MCF2L: variants seen among roughly 807,000 people sequenced by gnomAD.
The protein encoded by MCF2L is guanine nucleotide exchange factor DBS.
In MCF2L, 97 loss-of-function variants were observed where a neutral mutation model predicts 153.4. That is an observed-to-expected ratio of 0.63 (90% confidence interval 0.54 to 0.75). The LOEUF (loss-of-function observed/expected upper bound fraction) is 0.75. Ranked by LOEUF, MCF2L falls within the 30% of genes least tolerant of loss-of-function variation. The pLI, the probability that MCF2L is intolerant of heterozygous loss-of-function variation, is 0.00. For synonymous variants in MCF2L, 659 were observed against 632.2 expected, an observed-to-expected ratio of 1.04 and a Z score of -0.64; for missense variants, 1,347 against 1,495.2, an observed-to-expected ratio of 0.90 and a Z score of 1.64.
intron 26 of MCF2L, chr13:113,091,059 GCCTC>G: frequency 7.7e-7 from 1 of 1,296,174 alleles, no homozygotes; most frequent in Non-Finnish European, 1.0e-6. Flanking sequence ...CCTCCTCGCC[GCCTC>G]CCTCCGTCCT....
At chr13:113,076,419 C>G (rs997604754) in intron 12 of MCF2L, among the ~76,000 whole-genome samples, 6 of 152,154 alleles carry the variant, frequency 3.9e-5, no homozygotes, top group Non-Finnish European at 5.9e-5. Context: ...CGCCCACCAC[C>G]AAGCCTGGCT....
At chr13:112,934,670 C>G (rs1199575236) in intron 2 of MCF2L, among the ~76,000 whole-genome samples, 2 of 151,894 alleles carry the variant, frequency 1.3e-5, no homozygotes, top group South Asian at 2.1e-4. Context: ...CAGTTGCAGG[C>G]AGATGCTGTC....
chr13:113,080,187 A>T (rs945237371), intron 15 of MCF2L, among the ~76,000 whole-genome samples: 50 of 123,076 alleles, frequency 4.1e-4, no homozygotes, highest in Non-Finnish European at 7.9e-4. Flanking sequence ...GGGTCCAGGC[A>T]GGGGGGCATC....
chr13:113,020,928 T>C (rs1008628677), intron 2 of MCF2L, among the ~76,000 whole-genome samples: 3 of 151,802 alleles, frequency 2.0e-5, no homozygotes, highest in African/African-American at 7.3e-5. Flanking sequence ...ATGTGTAGTG[T>C]GTATGCATGT....
chr13:113,094,831 C>T (rs1201171317), intron 27 of MCF2L, 196 bp downstream of exon 27: 7 of 1,079,548 alleles, frequency 6.5e-6, no homozygotes, highest in Admixed American at 6.3e-5. Context: ...CCACCCAGAC[C>T]TGGGTCTTGG....
At chr13:112,945,001 A>ATTTTATTT (rs1555353045) in intron 2 of MCF2L, among the ~76,000 whole-genome samples, 2 of 139,360 alleles carry the variant, frequency 1.4e-5, no homozygotes, top group Admixed American at 7.2e-5. Flanking sequence ...AGGCACCACT[A>ATTTTATTT]TTTTTTTTTT....
intron 1 of MCF2L, among the ~76,000 whole-genome samples, chr13:112,970,856 G>A (rs192464112): frequency 4.1e-4 from 63 of 152,254 alleles, no homozygotes; most frequent in African/African-American, 1.3e-3. Flanking sequence ...CGTGCGAGCC[G>A]GGCGCTCGGT....
At chr13:112,970,746 T>C (rs2082013463) in intron 1 of MCF2L, among the ~76,000 whole-genome samples, 2 of 151,928 alleles carry the variant, frequency 1.3e-5, no homozygotes, top group African/African-American at 2.4e-5. Context: ...TTTTTAGGGA[T>C]TGGGGTTTCT....
At chr13:112,950,306 T>C (rs1181776290) in intron 2 of MCF2L, among the ~76,000 whole-genome samples, 1 of 152,218 alleles carries the variant, frequency 6.6e-6, no homozygotes, top group Non-Finnish European at 1.5e-5. Flanking sequence ...ATAGTAAAGA[T>C]GTCAGTTTTC....
At chr13:113,078,635 C>T in intron 14 of MCF2L, 31 bp from the exon 15 acceptor site, 4 of 1,601,974 alleles carry the variant, frequency 2.5e-6, no homozygotes, top group Non-Finnish European at 3.4e-6. Flanking sequence ...TCCGTCCCGC[C>T]TTTCAGACCT....
chr13:112,910,714 A>C (rs529580418), intron 2 of MCF2L: 3 of 152,376 alleles, frequency 2.0e-5, no homozygotes, highest in African/African-American at 7.2e-5. Context: ...AATTAGACTG[A>C]AAACAGGCAC....
Position 113,054,715 on chromosome 13 carries a change from C to T in MCF2L, c.370-5878C>T, listed in dbSNP as rs2087613852. The T allele has an allele frequency of 6.6e-6, 1 of 152,168 alleles. No homozygotes were observed. The highest frequency in any genetic ancestry group is 2.1e-4 in the South Asian group (1 of 4,824). 9.4% of individuals were successfully genotyped at this position (152,168 alleles called of 1,614,324 possible). On this transcript the variant is annotated intron_variant, in intron 4 of 29. Transcript: ENST00000535094. The surrounding 1 kb of genome is among the most constrained non-coding windows in gnomAD (Gnocchi z 5.2). ...GGAGGGTTTTTCAAACAGGGTTCCC[C>T]AAAGTACCCAGTTCTACAAAGTTCC...
At chr13:112,970,583 A>T (rs1175712164) in intron 1 of MCF2L, among the ~76,000 whole-genome samples, 1 of 151,880 alleles carries the variant, frequency 6.6e-6, no homozygotes. Flanking sequence ...GAGTATGGTG[A>T]AGGGCTGCGT....
chr13:113,030,530 G>A (rs1488925035), intron 3 of MCF2L, among the ~76,000 whole-genome samples: 15 of 149,038 alleles, frequency 1.0e-4, no homozygotes, highest in Admixed American at 1.0e-3. Context: ...TGCAGGTGTG[G>A]GCCCTCGGGT....
chr13:112,958,502 G>A lies in MCF2L; in HGVS notation c.169+56131G>A, dbSNP rs573676563. Among the ~76,000 whole-genome samples the A allele has an allele frequency of 1.1e-4, 17 of 152,314 alleles. No individual in the cohort carries two copies. In the South Asian group the frequency reaches 2.7e-3, roughly 24 times the overall value. On this transcript the variant is annotated intron_variant, in intron 2 of 29. Coordinates refer to the MCF2L transcript ENST00000375608. ...TCCACACGACACCCGCACAGCCCCC[G>A]ACGAGGGTGGGACTGGGTGGCGGGG...
intron 1 of MCF2L, among the ~76,000 whole-genome samples, chr13:112,986,532 G>A (rs896752905): frequency 3.9e-5 from 6 of 152,260 alleles, no homozygotes; most frequent in Non-Finnish European, 1.5e-5. Flanking sequence ...CCGCACAGGG[G>A]TGTTTAAGAC....
rs77177452 is a variant in MCF2L at position 113,082,914 on chromosome 13, C to A, written c.1991+372C>A. Among the ~76,000 whole-genome samples the A allele has an allele frequency of 2.6e-3, 395 of 152,272 alleles. 2 individuals are homozygous for A. Among genetic ancestry groups the A allele is most frequent in the East Asian group, 0.023 (119 of 5,164 alleles). The stretch of plus-strand genomic sequence containing the variant: ...CGGAACCCCCTCCCAGGTGTGTATT[C>A]GGCCCTTTAGGGGGTCACCGAAGGC... On this transcript the variant is annotated intron_variant, in intron 17 of 29. Transcript: ENST00000535094.
chr13:113,038,115 A>T (rs1309593404), intron 3 of MCF2L, among the ~76,000 whole-genome samples: 3 of 152,246 alleles, frequency 2.0e-5, no homozygotes, highest in Non-Finnish European at 4.4e-5. Flanking sequence ...GAATAAAATC[A>T]TATCTAATAA....
intron 1 of MCF2L, among the ~76,000 whole-genome samples, chr13:113,002,443 G>A (rs936962255): frequency 3.9e-5 from 6 of 152,264 alleles, no homozygotes; most frequent in South Asian, 4.1e-4. Context: ...GGCCACTGCT[G>A]TCCCCACAAT....
Sources: allele counts gnomAD v4.1 joint callset (sites outside exome capture counted in the v4.1 genomes callset), GRCh38; gene constraint gnomAD v4.1.1; non-coding constraint Gnocchi (gnomAD v3.1); transcripts MANE v1.5; gene names NCBI Gene and HGNC (gene_info 2026-07-23, HGNC 2026-07-21).